ROBO2: variants seen among roughly 807,000 people sequenced by gnomAD.
ROBO2 encodes the protein roundabout homolog 2.
ROBO2 carries 53 observed loss-of-function variants against 160.8 expected under a neutral mutation model. The ratio of observed to expected loss-of-function variants is 0.33; its 90% CI spans 0.26 to 0.41. The LOEUF (loss-of-function observed/expected upper bound fraction) is 0.41. ROBO2 is among the 10% of genes least tolerant of loss of function. The pLI, the probability that ROBO2 is intolerant of heterozygous loss-of-function variation, is 1.00. For synonymous variants in ROBO2, 664 were observed against 611.7 expected (o/e 1.09, Z -1.26); for missense variants, 1,577 against 1,722.4 (o/e 0.92, Z 1.49).
intron 2 of ROBO2, among the ~76,000 whole-genome samples, chr3:76,736,258 G>A (rs1200501350): frequency 1.5e-5 from 1 of 65,960 alleles, no homozygotes; most frequent in Non-Finnish European, 2.6e-5. Context: ...CTCCAGCCTG[G>A]GCGACAGAGC....
chr3:76,100,669 A>G (rs1159197893), intron 2 of ROBO2, among the ~76,000 whole-genome samples: 5 of 151,904 alleles, frequency 3.3e-5, no homozygotes, highest in Non-Finnish European at 5.9e-5. Context: ...AGCCATTACT[A>G]TGTTATACAA....
intron 2 of ROBO2, among the ~76,000 whole-genome samples, chr3:77,255,219 C>T (rs1453909229): frequency 6.6e-6 from 1 of 151,984 alleles, no homozygotes; most frequent in African/African-American, 2.4e-5. Flanking sequence ...TACATGAGTC[C>T]AAAATGTTGA....
At chr3:76,739,628 TAA>T (rs36029989) in intron 2 of ROBO2, among the ~76,000 whole-genome samples, 3 of 149,160 alleles carry the variant, frequency 2.0e-5, no homozygotes, top group African/African-American at 4.9e-5. Flanking sequence ...AAAGTATAAT[TAA>T]AAAAAAAAGT....
At chr3:77,321,341 ACC>A (rs1456875610) in intron 2 of ROBO2, among the ~76,000 whole-genome samples, 1 of 151,944 alleles carries the variant, frequency 6.6e-6, no homozygotes, top group Non-Finnish European at 1.5e-5. Flanking sequence ...ACACAGGGAG[ACC>A]CCATCTCCAC....
intron 2 of ROBO2, among the ~76,000 whole-genome samples, chr3:77,366,121 G>A (rs1359362546): frequency 6.6e-6 from 1 of 152,114 alleles, no homozygotes; most frequent in Non-Finnish European, 1.5e-5. Flanking sequence ...GTAAAAAGAA[G>A]TACATGTTAC....
At chr3:76,105,925 A>G (rs867381586) in intron 2 of ROBO2, among the ~76,000 whole-genome samples, 6 of 152,124 alleles carry the variant, frequency 3.9e-5, no homozygotes, top group Non-Finnish European at 8.8e-5. Context: ...GTGGAAGGAA[A>G]AGTTATTTCA....
At chr3:77,516,250 G>A (rs1459475017) in intron 5 of ROBO2, among the ~76,000 whole-genome samples, 1 of 150,966 alleles carries the variant, frequency 6.6e-6, no homozygotes, top group Non-Finnish European at 1.5e-5. Flanking sequence ...ACAGCTATAT[G>A]GTTTGCTTTC....
chr3:75,983,231 G>C (rs925206270), intron 2 of ROBO2, among the ~76,000 whole-genome samples: 2 of 151,422 alleles, frequency 1.3e-5, no homozygotes, highest in African/African-American at 4.8e-5. Context: ...AGAAGTATGT[G>C]AAGAGTCTGA....
At chr3:76,305,030 T>A (rs1576332557) in intron 2 of ROBO2, among the ~76,000 whole-genome samples, 1 of 151,890 alleles carries the variant, frequency 6.6e-6, no homozygotes. Flanking sequence ...AGAATATAAA[T>A]AGGATATTTT....
chr3:76,488,779 T>C (rs1373914095), intron 2 of ROBO2, among the ~76,000 whole-genome samples: 1 of 152,108 alleles, frequency 6.6e-6, no homozygotes, highest in East Asian at 1.9e-4. Context: ...AAAAAGGGTG[T>C]GTCAGGAATT....
intron 2 of ROBO2, among the ~76,000 whole-genome samples, chr3:76,455,607 TTCCTC>T (rs2077709799): frequency 6.6e-6 from 1 of 152,192 alleles, no homozygotes; most frequent in African/African-American, 2.4e-5. Context: ...AAGTTTATCT[TTCCTC>T]TACAGTAATC....
Position 77,566,279 on chromosome 3 carries a change from A to T in ROBO2, c.1849+1159A>T, listed in dbSNP as rs190489560. Among the ~76,000 whole-genome samples, 326 of 152,136 alleles carry T rather than the reference A, an allele frequency of 2.1e-3. 1 individual carries two copies. In the South Asian group the frequency reaches 0.028, roughly 13 times the overall value. ...AAATGCCATTTTGCTATTGTTCTCT[A>T]AGCAGTAATGTGATTAATTTTCCAT... On this transcript the variant is annotated intron_variant, in intron 12 of 25. Coordinates refer to ENST00000461745, the Ensembl canonical transcript of ROBO2.
At chr3:77,413,824 T>C (rs1351232017) in intron 2 of ROBO2, among the ~76,000 whole-genome samples, 1 of 152,042 alleles carries the variant, frequency 6.6e-6, no homozygotes, top group Admixed American at 6.5e-5. Flanking sequence ...GAGATGCAAA[T>C]GTTAATGGAC....
chr3:76,493,761 T>C (rs1356196939), intron 2 of ROBO2, among the ~76,000 whole-genome samples: 1 of 152,168 alleles, frequency 6.6e-6, no homozygotes, highest in East Asian at 1.9e-4. Flanking sequence ...AGGAAAGTTT[T>C]GTCTTGTACC....
At chr3:76,465,721 T>G (rs1482290386) in intron 2 of ROBO2, among the ~76,000 whole-genome samples, 1 of 152,018 alleles carries the variant, frequency 6.6e-6, no homozygotes, top group African/African-American at 2.4e-5. Context: ...TGCTATCATA[T>G]TTTTCCAGTC....
chr3:76,969,297 A>C (rs142211370), intron 2 of ROBO2, among the ~76,000 whole-genome samples: 1 of 152,330 alleles, frequency 6.6e-6, no homozygotes, highest in Non-Finnish European at 1.5e-5. Flanking sequence ...TAATTGAAAT[A>C]CCAGGCCCCT....
At chr3:76,408,310 T>C (rs2108811820) in intron 2 of ROBO2, among the ~76,000 whole-genome samples, 1 of 152,200 alleles carries the variant, frequency 6.6e-6, no homozygotes, top group African/African-American at 2.4e-5. Context: ...TTATGGTTTT[T>C]TGCTATTAAA....
intron 2 of ROBO2, among the ~76,000 whole-genome samples, chr3:76,093,173 G>T (rs567122361): frequency 1.3e-4 from 19 of 151,984 alleles, no homozygotes; most frequent in Non-Finnish European, 2.4e-4. Context: ...TTATGTGAAT[G>T]ATACATATTT....
At position 77,164,925 on chromosome 3, in the gene ROBO2, G is replaced by A. The variant is rs562036008; in HGVS notation, c.388+66585G>A. Among the ~76,000 whole-genome samples the A allele has an allele frequency of 4.9e-3, 554 of 113,506 alleles. 74 individuals carry two copies. The highest frequency in any genetic ancestry group is 0.011 in the African/African-American group (363 of 33,406). The allele number at this position is 113,506 out of a possible 152,430, so 74.5% of individuals were successfully genotyped here. A position where few individuals can be genotyped will look rare whatever the true frequency, so the allele number is the denominator to read the frequency against. On this transcript the variant is annotated intron_variant, in intron 2 of 25. Coordinates refer to ENST00000461745, the Ensembl canonical transcript of ROBO2. Reference sequence around the variant, plus strand: ...CCCCGCCCGGCCAGCCGCCCCGTCCGGGAGGGAGGTGGGGGCGGTCAGCCC... The same window carrying A: ...CCCCGCCCGGCCAGCCGCCCCGTCCAGGAGGGAGGTGGGGGCGGTCAGCCC...
Sources: gnomAD v4.1 joint callset for allele counts (sites outside exome capture counted in the v4.1 genomes callset) on GRCh38, gnomAD v4.1.1 for gene constraint, MANE v1.5 for transcripts, NCBI Gene and HGNC (gene_info 2026-07-23, HGNC 2026-07-21) for gene names.